The following CYREN variants were observed in gnomAD, a reference collection of about 807,000 sequenced individuals.
CYREN encodes cell cycle regulator of non-homologous end joining.
Under a neutral mutation model 9.7 loss-of-function variants are expected in CYREN, and 7 were observed. The ratio of observed to expected loss-of-function variants is 0.72; its 90% CI spans 0.41 to 1.36. The LOEUF is 1.36. Ranked by LOEUF, CYREN falls within the 40% of genes most tolerant of loss-of-function variation. The probability of loss-of-function intolerance (pLI) is 0.01; values close to 1 mark genes in which losing one functional copy is unlikely to be tolerated. For missense variants in CYREN, 215 were observed against 198.1 expected, an observed-to-expected ratio of 1.09 and a Z score of -0.51; for synonymous variants, 76 against 77.9, an observed-to-expected ratio of 0.98 and a Z score of 0.13.
At chr7:135,154,550 G>A (rs547715347) in intron 2 of CYREN, among the ~76,000 whole-genome samples, 27 of 152,240 alleles carry the variant, frequency 1.8e-4, no homozygotes, top group African/African-American at 6.5e-4. Flanking sequence ...TTAGTACAAT[G>A]TGTTTTTGCA....
At chr7:135,164,390 T>C, downstream of CYREN, 9 of 1,528,082 alleles carry the variant, frequency 5.9e-6, no homozygotes, top group Non-Finnish European at 8.1e-6. Flanking sequence ...AAGGGAGAGA[T>C]GGACTGACTG....
chr7:135,128,685 G>GA (rs2117315084), intron 2 of CYREN: 1 of 1,290,350 alleles, frequency 7.7e-7, no homozygotes, highest in South Asian at 1.2e-5. Flanking sequence ...CCTGAATATT[G>GA]TCTCTCCTTT....
At chr7:135,159,259 A>G (rs1829869549) in intron 2 of CYREN, among the ~76,000 whole-genome samples, 1 of 152,250 alleles carries the variant, frequency 6.6e-6, no homozygotes, top group Non-Finnish European at 1.5e-5. Context: ...GTGGAGGCAC[A>G]TACTACCTGT....
chr7:135,148,246 C>T (rs1263687702), intron 2 of CYREN: 20 of 390,900 alleles, frequency 5.1e-5, no homozygotes, highest in Non-Finnish European at 9.0e-5. Flanking sequence ...CATGAGTGTT[C>T]CTGTGGTCTC....
chr7:135,165,085 G>T, downstream of CYREN: 1 of 1,452,922 alleles, frequency 6.9e-7, no homozygotes, highest in Non-Finnish European at 9.2e-7. Context: ...AGCTAACGCT[G>T]ATCTCCAGCT....
chr7:135,156,654 G>A lies in CYREN; in HGVS notation n.356+12095C>T, dbSNP rs186365787. Among the ~76,000 whole-genome samples, 247 of 152,078 alleles carry A rather than the reference G, an allele frequency of 1.6e-3. 2 individuals carry two copies. Among genetic ancestry groups the A allele is most frequent in the African/African-American group, 5.6e-3 (231 of 41,502 alleles). On this transcript the variant is annotated intron_variant and non_coding_transcript_variant, in intron 2 of 2. Transcript: ENST00000459937. ...TTGTATTAGTTTTCAGATTTCTCTTGCACTTCATTGAGCTTCTTTAAAATC... is the reference window on the plus strand; with the variant it reads ...TTGTATTAGTTTTCAGATTTCTCTTACACTTCATTGAGCTTCTTTAAAATC...
chr7:135,151,956 G>A lies in CYREN; in HGVS notation n.356+16793C>T, dbSNP rs1287407536. Among the ~76,000 whole-genome samples the A allele has an allele frequency of 6.6e-6, 1 of 152,114 alleles. No homozygotes were observed. The highest frequency in any genetic ancestry group is 1.5e-5 in the Non-Finnish European group (1 of 68,030). ...GAGTTCATCTCTGGGAATGAACCCT[G>A]GCACTATTTGTCTTCCTAGAATCTC... On this transcript the variant is annotated intron_variant and non_coding_transcript_variant, in intron 2 of 2. Coordinates refer to the CYREN transcript ENST00000459937. This position sits in a 1 kb window ranked among gnomAD's most constrained non-coding sequence, Gnocchi z 4.3.
chr7:135,157,968 G>A (rs1829836090), intron 2 of CYREN, among the ~76,000 whole-genome samples: 1 of 152,152 alleles, frequency 6.6e-6, no homozygotes, highest in African/African-American at 2.4e-5. Context: ...AAGCTGTAGG[G>A]AGGGTGGTCT....
At chr7:135,156,681 A>G (rs1357862630) in intron 2 of CYREN, among the ~76,000 whole-genome samples, 1 of 152,058 alleles carries the variant, frequency 6.6e-6, no homozygotes, top group East Asian at 1.9e-4. Context: ...TTTAAAATCA[A>G]TATTTTGAAT....
At chr7:135,164,623 C>A (rs773218932), downstream of CYREN, 3 of 1,613,946 alleles carry the variant, frequency 1.9e-6, no homozygotes, top group African/African-American at 4.0e-5. Flanking sequence ...GACACCAGCA[C>A]CCTACAGTGT....
At chr7:135,117,002 C>T (rs1487260872) in intron 2 of CYREN, among the ~76,000 whole-genome samples, 1 of 152,158 alleles carries the variant, frequency 6.6e-6, no homozygotes, top group African/African-American at 2.4e-5. Flanking sequence ...TTCCTTTGTT[C>T]TTGAAGTCCT....
intron 2 of CYREN, among the ~76,000 whole-genome samples, chr7:135,110,147 T>C (rs868246282): frequency 6.6e-6 from 1 of 152,036 alleles, no homozygotes; most frequent in Non-Finnish European, 1.5e-5. Context: ...TACTAGTGGC[T>C]GGCTGGAGTT....
intron 2 of CYREN, among the ~76,000 whole-genome samples, chr7:135,156,199 A>G (rs1159268203): frequency 6.6e-6 from 1 of 152,166 alleles, no homozygotes; most frequent in Admixed American, 6.5e-5. Flanking sequence ...TTGACTTCAG[A>G]CATTTTGAAT....
At chr7:135,098,223 T>G (rs1176008337) in intron 2 of CYREN, among the ~76,000 whole-genome samples, 1 of 152,202 alleles carries the variant, frequency 6.6e-6, no homozygotes, top group African/African-American at 2.4e-5. Context: ...CATCCCTTTG[T>G]ATCATGGAGG....
chr7:135,126,618 T>C (rs1244660040), intron 2 of CYREN, among the ~76,000 whole-genome samples: 3 of 152,186 alleles, frequency 2.0e-5, no homozygotes, highest in African/African-American at 7.2e-5. Context: ...TGGAGAGGTA[T>C]CACACTACCT....
intron 2 of CYREN, among the ~76,000 whole-genome samples, chr7:135,106,218 T>A (rs904621284): frequency 6.6e-5 from 10 of 152,210 alleles, no homozygotes; most frequent in African/African-American, 2.4e-4. Flanking sequence ...ATGCTCTTTA[T>A]TTCTTTATCT....
intron 2 of CYREN, among the ~76,000 whole-genome samples, chr7:135,133,647 G>A (rs1266295082): frequency 1.3e-5 from 2 of 152,048 alleles, no homozygotes; most frequent in Non-Finnish European, 2.9e-5. Context: ...TTTTGATAGG[G>A]AATTCAAAAG....
At chr7:135,148,584 G>A (rs775751672) in intron 2 of CYREN, among the ~76,000 whole-genome samples, 1 of 152,204 alleles carries the variant, frequency 6.6e-6, no homozygotes, top group Non-Finnish European at 1.5e-5. Context: ...AGTCTTGCAC[G>A]CAGTGTGTAC....
intron 2 of CYREN, chr7:135,135,457 A>C (rs1829305049): frequency 2.5e-6 from 1 of 401,100 alleles, no homozygotes; most frequent in Non-Finnish European, 4.3e-6. Flanking sequence ...AGAAATCCAG[A>C]GAAAATATGG....
Sources: allele counts gnomAD v4.1 joint callset (sites outside exome capture counted in the v4.1 genomes callset), GRCh38; gene constraint gnomAD v4.1.1; non-coding constraint Gnocchi (gnomAD v3.1); transcripts MANE v1.5; gene names NCBI Gene and HGNC (gene_info 2026-07-23, HGNC 2026-07-21).